The following ARHGAP15 variants were observed in gnomAD, a reference collection of about 807,000 sequenced individuals.
ARHGAP15 encodes the protein rho GTPase-activating protein 15.
A neutral mutation model predicts 63.7 loss-of-function variants in ARHGAP15; 51 were observed. The ratio of observed to expected loss-of-function variants is 0.80; its 90% confidence interval spans 0.64 to 1.01. The LOEUF is 1.01. Among genes scored for constraint, ARHGAP15 ranks in the 50% least tolerant of loss-of-function variants. The pLI, the probability that ARHGAP15 is intolerant of heterozygous loss-of-function variation, is 0.00. For missense variants in ARHGAP15, 560 were observed against 564.6 expected (o/e 0.99, Z 0.08); for synonymous variants, 191 against 193.8 (o/e 0.99, Z 0.12).
chr2:143,275,640 C>A (rs1377733100), intron 6 of ARHGAP15, among the ~76,000 whole-genome samples: 1 of 152,170 alleles, frequency 6.6e-6, no homozygotes, highest in African/African-American at 2.4e-5. Flanking sequence ...AGGTTACCAA[C>A]CCCAGAGGGA....
chr2:143,428,237 C>A (rs1689217301), intron 6 of ARHGAP15, among the ~76,000 whole-genome samples: 1 of 151,942 alleles, frequency 6.6e-6, no homozygotes, highest in Admixed American at 6.6e-5. Context: ...GCAGGAACAA[C>A]CTGCTCTAAA....
intron 2 of ARHGAP15, among the ~76,000 whole-genome samples, chr2:143,193,998 C>G (rs542082637): frequency 9.7e-4 from 147 of 152,242 alleles, no homozygotes; most frequent in African/African-American, 3.2e-3. Context: ...GAAAATAAAG[C>G]CTGATTCTAA....
chr2:143,171,079 C>G (rs1288483862), intron 2 of ARHGAP15, among the ~76,000 whole-genome samples: 1 of 151,714 alleles, frequency 6.6e-6, no homozygotes, highest in Non-Finnish European at 1.5e-5. Context: ...ATAGCAACAA[C>G]AAAAAAATAG....
At chr2:143,622,421 C>A (rs548880584) in intron 11 of ARHGAP15, among the ~76,000 whole-genome samples, 1 of 152,240 alleles carries the variant, frequency 6.6e-6, no homozygotes, top group South Asian at 2.1e-4. Context: ...AAACCCCGTT[C>A]TTTAAAGTGA....
intron 10 of ARHGAP15, among the ~76,000 whole-genome samples, chr2:143,526,592 G>A (rs1358995796): frequency 6.6e-6 from 1 of 152,114 alleles, no homozygotes; most frequent in African/African-American, 2.4e-5. Flanking sequence ...GGAGTTCTAG[G>A]ACTGGGAGTT....
At chr2:143,486,408 C>CAAAAAA (rs35904219) in intron 8 of ARHGAP15, among the ~76,000 whole-genome samples, 1 of 133,344 alleles carries the variant, frequency 7.5e-6, no homozygotes, top group African/African-American at 2.8e-5. Context: ...CCATTTCTAC[C>CAAAAAA]AAAAAAAAAA....
chr2:143,670,315 C>A (rs1045809067), intron 12 of ARHGAP15, among the ~76,000 whole-genome samples: 1 of 152,102 alleles, frequency 6.6e-6, no homozygotes, highest in East Asian at 1.9e-4. Context: ...CTGGTGTCAA[C>A]GTATTTTCTG....
intron 12 of ARHGAP15, among the ~76,000 whole-genome samples, chr2:143,649,164 T>TATC (rs1553517572): frequency 1.3e-5 from 2 of 151,920 alleles, no homozygotes; most frequent in African/African-American, 4.8e-5. Context: ...AATTTTCTTC[T>TATC]ATCATTCATC....
intron 12 of ARHGAP15, among the ~76,000 whole-genome samples, chr2:143,677,095 C>A (rs144175168): frequency 7.9e-5 from 12 of 152,314 alleles, no homozygotes; most frequent in Non-Finnish European, 1.2e-4. Flanking sequence ...TTTGATCATA[C>A]ATGGTTCCAG....
intron 1 of ARHGAP15, among the ~76,000 whole-genome samples, chr2:143,154,747 T>C (rs1311962477): frequency 6.6e-6 from 1 of 151,948 alleles, no homozygotes; most frequent in Non-Finnish European, 1.5e-5. Flanking sequence ...TTTAGTTCTC[T>C]TTGTTTTCTT....
intron 12 of ARHGAP15, among the ~76,000 whole-genome samples, chr2:143,687,477 G>GT (rs1683402597): frequency 1.3e-5 from 2 of 152,142 alleles, no homozygotes; most frequent in African/African-American, 4.8e-5. Context: ...CCTTCAGACT[G>GT]CAAATATATA....
At chr2:143,377,285 GT>G (rs1180239512) in intron 6 of ARHGAP15, among the ~76,000 whole-genome samples, 1 of 151,856 alleles carries the variant, frequency 6.6e-6, no homozygotes, top group East Asian at 1.9e-4. Flanking sequence ...CTAGTTTCTT[GT>G]TCTAATTAAC....
At chr2:143,487,258 G>C in intron 8 of ARHGAP15, 115 bp from the exon 9 acceptor site, 1 of 1,223,978 alleles carries the variant, frequency 8.2e-7, no homozygotes, top group East Asian at 2.4e-5. Context: ...AGAAGAGCCT[G>C]AGCTATTAAT....
At chr2:143,166,656 A>G (rs1220502907) in intron 2 of ARHGAP15, among the ~76,000 whole-genome samples, 2 of 152,122 alleles carry the variant, frequency 1.3e-5, no homozygotes, top group East Asian at 1.9e-4. Flanking sequence ...ACTTTACACT[A>G]TGCTTAAAAA....
chr2:143,333,407 C>A (rs563784348), intron 6 of ARHGAP15, among the ~76,000 whole-genome samples: 2 of 152,106 alleles, frequency 1.3e-5, no homozygotes, highest in Non-Finnish European at 2.9e-5. Context: ...CCTTCTTGTC[C>A]GAGTTGCAGT....
At chr2:143,473,778 A>G (rs930769215) in intron 8 of ARHGAP15, among the ~76,000 whole-genome samples, 3 of 152,174 alleles carry the variant, frequency 2.0e-5, no homozygotes, top group Non-Finnish European at 2.9e-5. Flanking sequence ...ACCTATGTGT[A>G]TTTTAAAGGT....
Position 143,347,158 on chromosome 2 carries a change from C to T in ARHGAP15, c.475-88443C>T, listed in dbSNP as rs182625640. Reference sequence around the variant, plus strand: ...ATTATTATTGAGAAGCAATCAATTGCTAATTTCCATAATTATGCACATCTA... The same window carrying T: ...ATTATTATTGAGAAGCAATCAATTGTTAATTTCCATAATTATGCACATCTA... On this transcript the variant is annotated intron_variant, in intron 6 of 13. Transcript: ENST00000295095. Among the ~76,000 whole-genome samples, 8 of 152,200 alleles carry T rather than the reference C, an allele frequency of 5.3e-5. No individual in the cohort carries two copies. The East Asian group carries it at 1.4e-3, about 26-fold the overall frequency.
chr2:143,433,864 ATTCATAATCAAAATATT>A (rs1456861500), intron 6 of ARHGAP15, among the ~76,000 whole-genome samples: 7 of 152,258 alleles, frequency 4.6e-5, no homozygotes, highest in African/African-American at 1.7e-4. Flanking sequence ...TTAGAAATAC[ATTCATAATCAAAATATT>A]TCACTACAGA....
At chr2:143,320,112 G>A (rs1339394372) in intron 6 of ARHGAP15, among the ~76,000 whole-genome samples, 1 of 152,184 alleles carries the variant, frequency 6.6e-6, no homozygotes, top group African/African-American at 2.4e-5. Context: ...GTTCTTGGTA[G>A]GTAGAGAGAC....
Sources: gnomAD v4.1 joint callset for allele counts (sites outside exome capture counted in the v4.1 genomes callset) on GRCh38, gnomAD v4.1.1 for gene constraint, MANE v1.5 for transcripts, NCBI Gene and HGNC (gene_info 2026-07-23, HGNC 2026-07-21) for gene names.